PDE4D: variants seen among roughly 807,000 people sequenced by gnomAD.
PDE4D encodes the protein phosphodiesterase 4D, also known as 3',5'-cyclic-AMP phosphodiesterase 4D.
Under a neutral mutation model 87.4 loss-of-function variants are expected in PDE4D, and 24 were observed. The ratio of observed to expected loss-of-function variants is 0.27; its 90% CI spans 0.20 to 0.39. PDE4D has a LOEUF of 0.39. PDE4D is among the 10% of genes least tolerant of loss of function. The probability of loss-of-function intolerance (pLI) is 1.00; values close to 1 mark genes in which losing one functional copy is unlikely to be tolerated. For synonymous variants in PDE4D, 384 were observed against 383.2 expected (o/e 1.00, Z -0.02); for missense variants, 714 against 1,041.0 (o/e 0.69, Z 4.32).
intron 1 of PDE4D, among the ~76,000 whole-genome samples, chr5:60,196,784 G>A (rs1015069995): frequency 6.6e-6 from 1 of 151,594 alleles, no homozygotes; most frequent in Non-Finnish European, 1.5e-5. Context: ...AAGGCACTGA[G>A]CCTTTTATTC....
intron 3 of PDE4D, among the ~76,000 whole-genome samples, chr5:59,927,429 G>A (rs1189594532): frequency 6.6e-6 from 1 of 152,186 alleles, no homozygotes; most frequent in East Asian, 1.9e-4. Flanking sequence ...AAAGCACACT[G>A]CAGCATAGTT....
At chr5:59,859,250 A>G (rs887471837) in intron 1 of PDE4D, among the ~76,000 whole-genome samples, 1 of 152,204 alleles carries the variant, frequency 6.6e-6, no homozygotes, top group Admixed American at 6.5e-5. Context: ...TCTTAAAGAC[A>G]TGAGAGGTGC....
At chr5:59,399,900 A>G (rs1302407975) in intron 1 of PDE4D, among the ~76,000 whole-genome samples, 1 of 112,708 alleles carries the variant, frequency 8.9e-6, no homozygotes, top group Non-Finnish European at 1.8e-5. Flanking sequence ...AAAACAAATA[A>G]CCCCATCAAA....
At chr5:59,668,845 G>GGAAGAAGAAGAAGGAGAA (rs1746606303) in intron 1 of PDE4D, among the ~76,000 whole-genome samples, 1 of 62,186 alleles carries the variant, frequency 1.6e-5, no homozygotes, top group African/African-American at 6.6e-5. Flanking sequence ...AAGAGGAAGA[G>GGAAGAAGAAGAAGGAGAA]GAAGAAGAAG....
intron 1 of PDE4D, among the ~76,000 whole-genome samples, chr5:60,296,940 G>A (rs769484606): frequency 6.6e-5 from 10 of 152,152 alleles, no homozygotes; most frequent in Admixed American, 4.6e-4. Flanking sequence ...AGGGCCTGTC[G>A]GGAGGTGGGG....
intron 1 of PDE4D, among the ~76,000 whole-genome samples, chr5:59,347,217 C>T (rs1199440898): frequency 6.6e-6 from 1 of 152,022 alleles, no homozygotes; most frequent in African/African-American, 2.4e-5. Flanking sequence ...CAGTTAAATC[C>T]CTCCTCCCAG....
chr5:59,625,897 G>A (rs1245971727), intron 1 of PDE4D, among the ~76,000 whole-genome samples: 1 of 152,124 alleles, frequency 6.6e-6, no homozygotes, highest in Non-Finnish European at 1.5e-5. Context: ...TAGCTAACAC[G>A]GTGAAACCCC....
intron 1 of PDE4D, among the ~76,000 whole-genome samples, chr5:60,335,440 G>C (rs990560852): frequency 3.9e-5 from 6 of 152,136 alleles, no homozygotes; most frequent in African/African-American, 1.4e-4. Context: ...CTCTCCTGAT[G>C]GTTACTTTTT....
intron 1 of PDE4D, among the ~76,000 whole-genome samples, chr5:59,299,206 C>T (rs1340535878): frequency 6.6e-6 from 1 of 152,140 alleles, no homozygotes; most frequent in African/African-American, 2.4e-5. Flanking sequence ...CTGGCCTGAG[C>T]ATAAATAACC....
At chr5:59,111,673 G>C (rs1471319867) in intron 5 of PDE4D, among the ~76,000 whole-genome samples, 2 of 152,234 alleles carry the variant, frequency 1.3e-5, no homozygotes, top group Non-Finnish European at 2.9e-5. Context: ...GAATGAGACA[G>C]AGACCAAAGC....
intron 1 of PDE4D, among the ~76,000 whole-genome samples, chr5:59,883,165 A>AT (rs1178512999): frequency 6.6e-6 from 1 of 152,246 alleles, no homozygotes; most frequent in Non-Finnish European, 1.5e-5. Context: ...ACACTTGAGA[A>AT]TTAGGTTGGG....
intron 5 of PDE4D, among the ~76,000 whole-genome samples, chr5:59,179,299 G>T (rs1455111541): frequency 6.6e-6 from 1 of 151,874 alleles, no homozygotes; most frequent in Admixed American, 6.6e-5. Flanking sequence ...ATGGGGTTTC[G>T]CCATGTTGGC....
At chr5:59,278,932 G>A (rs986207546) in intron 1 of PDE4D, among the ~76,000 whole-genome samples, 2 of 152,030 alleles carry the variant, frequency 1.3e-5, no homozygotes, top group East Asian at 1.9e-4. Flanking sequence ...AATGGTGAGC[G>A]TGACTTGTGA....
At chr5:59,939,340 A>T (rs961555536) in intron 3 of PDE4D, among the ~76,000 whole-genome samples, 3 of 152,102 alleles carry the variant, frequency 2.0e-5, no homozygotes, top group Non-Finnish European at 4.4e-5. Context: ...TTTATTCTAC[A>T]CTCAACAAAT....
intron 1 of PDE4D, among the ~76,000 whole-genome samples, chr5:59,796,019 T>G (rs996464078): frequency 2.0e-5 from 3 of 152,186 alleles, no homozygotes; most frequent in Non-Finnish European, 4.4e-5. Context: ...GGAAACAACC[T>G]TGACAACACA....
Position 59,326,695 on chromosome 5 carries a change from T to C in PDE4D, c.456-110727A>G, listed in dbSNP as rs1455434144. Reference sequence around the variant, plus strand: ...CACATTATGCCCTGCACTACAGACATTGACATATGTGTAATCTCTAAAACA... The same window carrying C: ...CACATTATGCCCTGCACTACAGACACTGACATATGTGTAATCTCTAAAACA... On this transcript the variant is annotated intron_variant, in intron 1 of 14. Transcript: ENST00000340635. 3.9e-5 allele frequency among the ~76,000 whole-genome samples: 6 copies of C among 152,094 alleles called. No individual in the cohort carries two copies. The East Asian group carries it at 1.2e-3, about 29-fold the overall frequency.
At chr5:59,554,810 C>A (rs1468170954) in intron 1 of PDE4D, among the ~76,000 whole-genome samples, 1 of 152,064 alleles carries the variant, frequency 6.6e-6, no homozygotes, top group Admixed American at 6.6e-5. Context: ...ATGTTCCACA[C>A]CATAATTTAA....
At chr5:59,276,797 A>C (rs974855411) in intron 1 of PDE4D, among the ~76,000 whole-genome samples, 1 of 152,116 alleles carries the variant, frequency 6.6e-6, no homozygotes. Flanking sequence ...ATGAAGCTTT[A>C]TATCTTGTCA....
intron 1 of PDE4D, among the ~76,000 whole-genome samples, chr5:59,503,935 A>G (rs2153665534): frequency 6.6e-6 from 1 of 152,266 alleles, no homozygotes; most frequent in African/African-American, 2.4e-5. Flanking sequence ...CTGTATTCCC[A>G]TGTTTCCTGA....
Sources: allele counts gnomAD v4.1 joint callset (sites outside exome capture counted in the v4.1 genomes callset), GRCh38; gene constraint gnomAD v4.1.1; transcripts MANE v1.5; gene names NCBI Gene and HGNC (gene_info 2026-07-23, HGNC 2026-07-21).